The following COL9A2 variants were observed in gnomAD, a reference collection of about 807,000 sequenced individuals.
COL9A2 encodes the protein collagen type IX alpha 2 chain.
Under a neutral mutation model 111.6 loss-of-function variants are expected in COL9A2, and 66 were observed. That is an observed-to-expected ratio of 0.59 (90% CI 0.48 to 0.73). The LOEUF (loss-of-function observed/expected upper bound fraction) is 0.73. Among genes scored for constraint, COL9A2 ranks in the 30% least tolerant of loss-of-function variants. The pLI, the probability that COL9A2 is intolerant of heterozygous loss-of-function variation, is 0.00. For synonymous variants in COL9A2, 353 were observed against 364.1 expected (o/e 0.97, Z 0.35); for missense variants, 881 against 954.1 (o/e 0.92, Z 1.01).
chr1:40,308,453 G>A (rs918469204), intron 16 of COL9A2, among the ~76,000 whole-genome samples: 1 of 152,222 alleles, frequency 6.6e-6, no homozygotes, highest in African/African-American at 2.4e-5. Context: ...GTGCCAGGAG[G>A]CCAGGCTGGG....
In COL9A2 at chr1:40,311,766, T is replaced by A; in HGVS notation, c.418-51A>T. On this transcript the variant is annotated intron_variant, in intron 8 of 31. Coordinates refer to ENST00000372748, the MANE Select transcript of COL9A2 (RefSeq NM_001852.4). The surrounding 1 kb of genome is among the most constrained non-coding windows in gnomAD (Gnocchi z 5.1). ...TACCCCTGACCAGCCCTTACCAGCT[T>A]ACCCTAGTGCCCTCCTCCAGGTCCT... is the stretch of plus-strand genomic sequence containing the variant. 6.3e-7 allele frequency: 1 copy of A among 1,580,156 alleles called. No homozygotes were observed. The highest frequency in any genetic ancestry group is 1.1e-5 in the South Asian group (1 of 90,362).
chr1:40,313,239 G>A (rs1271810132), intron 4 of COL9A2, among the ~76,000 whole-genome samples: 1 of 151,594 alleles, frequency 6.6e-6, no homozygotes, highest in Non-Finnish European at 1.5e-5. Context: ...CACAGTCTCA[G>A]CTCACTGCAA....
rs894919013 is a variant in COL9A2, at chr1:40,314,117, T to C, written c.249+88A>G. 2 of 1,396,416 alleles carry C rather than the reference T, an allele frequency of 1.4e-6. No homozygotes were observed. The highest frequency in any genetic ancestry group is 2.8e-5 in the African/African-American group (2 of 70,704). The allele number at this position is 1,396,416 out of a possible 1,614,324, so 86.5% of individuals were successfully genotyped here. A position where few individuals can be genotyped will look rare whatever the true frequency, so the allele number is the denominator to read the frequency against. On this transcript the variant is annotated intron_variant, in intron 4 of 31. Transcript: ENST00000372748. This position sits in a 1 kb window ranked among gnomAD's most constrained non-coding sequence, Gnocchi z 4.1. ...GAATCTCCATCCTGCTGCCCATCTC[T>C]GAACAGATCAGTGAAGATGCCAGAG...
At position 40,304,066 on chromosome 1, in the gene COL9A2, C is replaced by G. The variant is rs1318318636; in HGVS notation, c.1321G>C (p.Val441Leu). 1.3e-6 allele frequency: 2 copies of G among 1,578,308 alleles called. No homozygotes were observed. Among genetic ancestry groups the G allele is most frequent in the South Asian group, 2.3e-5 (2 of 86,380 alleles). Residue 441 changes from valine (V) to leucine (L), a missense_variant and splice_region_variant, in exon 25 of 32, where the codon GTG (valine) becomes CTG (leucine). Physicochemically the swap from Val to Leu is conservative, Grantham distance 32. Coordinates refer to ENST00000372748, the MANE Select transcript of COL9A2 (RefSeq NM_001852.4). ...SPGKTGPRGKVGDPGVAGLPG... is the reference protein window; with the variant it reads ...SPGKTGPRGKLGDPGVAGLPG... ...GGAACAGGGGTGCTGGAACTCACCA[C>G]TTTGCCGCGGGGCCCGGTCTTCCCT...
chr1:40,310,406 C>T lies in COL9A2; in HGVS notation c.685-89G>A. On this transcript the variant is annotated intron_variant, in intron 13 of 31. Transcript: ENST00000372748. This position sits in a 1 kb window ranked among gnomAD's most constrained non-coding sequence, Gnocchi z 4.9. Reference sequence around the variant, plus strand: ...ATGCCCACCTTCAATCTTACAGTGCCCTTTTGAGGTAGGCAGCAGAGTCTC... The same window carrying T: ...ATGCCCACCTTCAATCTTACAGTGCTCTTTTGAGGTAGGCAGCAGAGTCTC... 1.5e-6 allele frequency: 2 copies of T among 1,338,984 alleles called. No individual in the cohort carries two copies. Among genetic ancestry groups the T allele is most frequent in the Non-Finnish European group, 2.1e-6 (2 of 935,340 alleles). The allele number at this position is 1,338,984 out of a possible 1,614,324, so 82.9% of individuals were successfully genotyped here.
chr1:40,303,680 C>CG lies in COL9A2; in HGVS notation c.1402-5dup. On this transcript the variant is annotated splice_region_variant and splice_polypyrimidine_tract_variant and intron_variant, in intron 27 of 31. Transcript: ENST00000372748. The surrounding 1 kb of genome is among the most constrained non-coding windows in gnomAD (Gnocchi z 4.6). Reference sequence around the variant, plus strand: ...CGGGTTCTCCACGTACTCCTTGCTGCGGGGGGATGGGGGTGGGAGCAGAGC... The same window carrying CG: ...CGGGTTCTCCACGTACTCCTTGCTGCGGGGGGGATGGGGGTGGGAGCAGAGC... 1.5e-6 allele frequency: 2 copies of CG among 1,307,708 alleles called. No homozygotes were observed. The highest frequency in any genetic ancestry group is 2.0e-6 in the Non-Finnish European group (2 of 998,580). 81.0% of individuals were successfully genotyped at this position (1,307,708 alleles called of 1,614,324 possible).
intron 21 of COL9A2, 178 bp from the exon 22 acceptor site, chr1:40,305,025 A>G (rs1035962356): frequency 1.9e-5 from 10 of 537,364 alleles, no homozygotes; most frequent in Non-Finnish European, 3.3e-5. Flanking sequence ...ACCCAACACA[A>G]TTTGAATTAC....
intron 16 of COL9A2, among the ~76,000 whole-genome samples, chr1:40,308,577 G>A (rs191452625): frequency 6.6e-6 from 1 of 152,364 alleles, no homozygotes; most frequent in Admixed American, 6.5e-5. Flanking sequence ...TGCTGTGTGA[G>A]TCTTGATTTG....
Position 40,311,550 on chromosome 1 carries a change from G to A in COL9A2, c.472-3C>T. 1 of 1,613,756 alleles carries A rather than the reference G, an allele frequency of 6.2e-7. No individual in the cohort carries two copies. The highest frequency in any genetic ancestry group is 1.3e-5 in the African/African-American group (1 of 74,872). ...CCCTGGATGGTTCCCGGGCGACCCT[G>A]AGAGGAGACATGAAGATGGAGCTTG... On this transcript the variant is annotated splice_polypyrimidine_tract_variant and splice_region_variant and intron_variant, in intron 9 of 31. Transcript: ENST00000372748. The surrounding 1 kb of genome is among the most constrained non-coding windows in gnomAD (Gnocchi z 5.1).
chr1:40,309,581 C>G (rs1397529331), intron 16 of COL9A2, among the ~76,000 whole-genome samples: 2 of 148,698 alleles, frequency 1.3e-5, no homozygotes, highest in African/African-American at 5.2e-5. Context: ...TTTGGGCTGA[C>G]TGGGCTCTTG....
At chr1:40,301,517 A>G (rs1452654737) in intron 31 of COL9A2, 136 bp from the exon 32 acceptor site, 3 of 754,624 alleles carry the variant, frequency 4.0e-6, no homozygotes, top group Non-Finnish European at 6.5e-6. Context: ...CCAGAGGCAG[A>G]GATTCTGTGA....
In COL9A2 at chr1:40,314,230, C is replaced by T. The variant is rs1644179896; in HGVS notation, c.224G>A (p.Gly75Glu). 6.2e-7 allele frequency: 1 copy of T among 1,614,112 alleles called. No homozygotes were observed. The highest frequency in any genetic ancestry group is 1.3e-5 in the African/African-American group (1 of 74,934). ...KGEPGKAGPD[G>E]PDGKPGIDGL... The stretch of plus-strand genomic sequence containing the variant: ...ATCAATCCCGGGCTTCCCGTCTGGC[C>T]CATCTGGCCCAGCTTTGCCAGGCTC... Residue 75 changes from glycine to glutamate, a missense_variant, in exon 4 of 32, where the codon GGG becomes GAG. Gly to Glu is a moderately conservative substitution (Grantham distance 98, BLOSUM62 -2). Transcript: ENST00000372748. This position sits in a 1 kb window ranked among gnomAD's most constrained non-coding sequence, Gnocchi z 4.1.
At position 40,303,610 on chromosome 1, in the gene COL9A2, C is replaced by T. The variant is rs1296013064; in HGVS notation, c.1468G>A (p.Gly490Ser). Residue 490 changes from glycine (G) to serine (S), a missense_variant, in exon 28 of 32, where the codon GGC (glycine) becomes AGC (serine). Coordinates refer to ENST00000372748, the MANE Select transcript of COL9A2 (RefSeq NM_001852.4). This position sits in a 1 kb window ranked among gnomAD's most constrained non-coding sequence, Gnocchi z 4.6. The part of the protein sequence containing the change: ...SGDAGAPGVQ[G>S]YPGPPGPRGL... The stretch of plus-strand genomic sequence containing the variant: ...CGAGGGCCGGGGGGACCAGGGTAGC[C>T]CTGAACCCCTGGGGCGCCCGCATCC... The T allele has an allele frequency of 4.4e-6, 7 of 1,604,236 alleles. No individual in the cohort carries two copies. The highest frequency in any genetic ancestry group is 4.3e-6 in the Non-Finnish European group (5 of 1,176,362).
chr1:40,315,627 G>C lies in COL9A2; in HGVS notation c.113C>G (p.Pro38Arg). 1 of 1,553,236 alleles carries C rather than the reference G, an allele frequency of 6.4e-7. No homozygotes were observed. The highest frequency in any genetic ancestry group is 1.2e-5 in the South Asian group (1 of 84,276). Residue 38 changes from proline to arginine, a missense_variant, in exon 2 of 32, where the codon CCG (proline) becomes CGG (arginine). Coordinates refer to ENST00000372748, the MANE Select transcript of COL9A2 (RefSeq NM_001852.4). ...GGATCCAGGCACTCCCGGCGGTCCC[G>C]GGGGACCCGGGGGGCCCCGCTCTCC... is the stretch of plus-strand genomic sequence containing the variant. ...PPGERGPPGP[P>R]GPPGVPGSDG...
At position 40,302,508 on chromosome 1, in the gene COL9A2, C is replaced by T; in HGVS notation, c.1792+113G>A. ...CAGGAGTGTCTCCTGGACCATGTGGCTGAGGAACCGGGGAAGGGTCTGTAT... is the reference window on the plus strand; with the variant it reads ...CAGGAGTGTCTCCTGGACCATGTGGTTGAGGAACCGGGGAAGGGTCTGTAT... On this transcript the variant is annotated intron_variant, in intron 30 of 31. Coordinates refer to ENST00000372748, the MANE Select transcript of COL9A2 (RefSeq NM_001852.4). The surrounding 1 kb of genome is among the most constrained non-coding windows in gnomAD (Gnocchi z 4.5). The T allele has an allele frequency of 6.6e-6, 8 of 1,219,684 alleles. No individual in the cohort carries two copies. Among genetic ancestry groups the T allele is most frequent in the Admixed American group, 2.0e-5 (1 of 50,094 alleles). The allele number at this position is 1,219,684 out of a possible 1,614,324, so 75.6% of individuals were successfully genotyped here.
At chr1:40,304,555 C>G in intron 22 of COL9A2, 26 bp from the exon 23 acceptor site, 1 of 1,613,828 alleles carries the variant, frequency 6.2e-7, no homozygotes, top group Non-Finnish European at 8.5e-7. Context: ...AAGGTCACAA[C>G]CTCAGCAGCT....
Position 40,314,946 on chromosome 1 carries a change from G to A in COL9A2, c.151-559C>T, listed in dbSNP as rs187059593. On this transcript the variant is annotated intron_variant, in intron 2 of 31. Transcript: ENST00000372748. The surrounding 1 kb of genome is among the most constrained non-coding windows in gnomAD (Gnocchi z 4.1). ...TGGGCAGGCAGGGCCGGTAGAGTGC[G>A]ATTCAGCCCCAGAGAGGCCTCCAGG... Among the ~76,000 whole-genome samples the A allele has an allele frequency of 2.0e-4, 30 of 152,112 alleles. No homozygotes were observed. The East Asian group carries it at 3.5e-3, about 18-fold the overall frequency.
At position 40,312,004 on chromosome 1, in the gene COL9A2, G is replaced by A; in HGVS notation, c.417+55C>T. ...AACTTCCAGAAAGACCACCCAGCTT[G>A]CCAGCTTGGAGATAGAAGGCAGGAG... On this transcript the variant is annotated intron_variant, in intron 8 of 31. Coordinates refer to ENST00000372748, the MANE Select transcript of COL9A2 (RefSeq NM_001852.4). The surrounding 1 kb of genome is among the most constrained non-coding windows in gnomAD (Gnocchi z 6.0). 3.9e-6 allele frequency: 6 copies of A among 1,548,908 alleles called. No individual in the cohort carries two copies. The highest frequency in any genetic ancestry group is 1.8e-4 in the Middle Eastern group (1 of 5,654).
rs754221348 is a variant in COL9A2 at position 40,314,379 on chromosome 1, A to G, written c.159T>C (p.Asn53=). The G allele has an allele frequency of 1.2e-5, 20 of 1,614,116 alleles. No individual in the cohort carries two copies. Among genetic ancestry groups the G allele is most frequent in the Non-Finnish European group, 1.7e-5 (20 of 1,180,022 alleles). The change falls in exon 3 of 32, where the codon AAT becomes AAC. Residue 53 remains asparagine (N), a synonymous_variant. Transcript: ENST00000372748. The surrounding 1 kb of genome is among the most constrained non-coding windows in gnomAD (Gnocchi z 4.1). ...GAGGGCCAGCTTTTCCAGGGGGCCC[A>G]TTGTCACCCTGCAAGATACAAGTTG... ...VPGSDGIDGD[N]GPPGKAGPPG... is the part of the protein sequence containing the mutation.
Sources: gnomAD v4.1 joint callset for allele counts (sites outside exome capture counted in the v4.1 genomes callset) on GRCh38, gnomAD v4.1.1 for gene constraint, Gnocchi (gnomAD v3.1) non-coding constraint, MANE v1.5 for transcripts, NCBI Gene and HGNC (gene_info 2026-07-23, HGNC 2026-07-21) for gene names.